EYA1: variants seen among roughly 807,000 people sequenced by gnomAD.
EYA1 encodes the protein protein phosphatase EYA1.
EYA1 carries 16 observed loss-of-function variants against 82.0 expected under a neutral mutation model. The ratio of observed to expected loss-of-function variants is 0.20; its 90% CI spans 0.13 to 0.30. The LOEUF is 0.30. Ranked by LOEUF, EYA1 falls within the 10% of genes least tolerant of loss-of-function variation. The pLI is 1.00. For missense variants in EYA1, 633 were observed against 730.7 expected (o/e 0.87, Z 1.54); for synonymous variants, 261 against 264.4 (o/e 0.99, Z 0.12).
chr8:71,500,387 T>C (rs1378557142), intron 2 of EYA1, among the ~76,000 whole-genome samples: 2 of 152,156 alleles, frequency 1.3e-5, no homozygotes, highest in Non-Finnish European at 2.9e-5. Flanking sequence ...GGAGACAACT[T>C]CTTGAGTCTT....
At chr8:71,442,812 C>T (rs1226544157) in intron 2 of EYA1, among the ~76,000 whole-genome samples, 1 of 152,198 alleles carries the variant, frequency 6.6e-6, no homozygotes, top group Non-Finnish European at 1.5e-5. Context: ...ACAGTGGGAA[C>T]ATGTGTCCCC....
intron 12 of EYA1, among the ~76,000 whole-genome samples, chr8:71,222,749 G>C (rs1810087971): frequency 6.6e-6 from 1 of 152,214 alleles, no homozygotes; most frequent in Non-Finnish European, 1.5e-5. Context: ...TAAATAATGT[G>C]AGATAAATGC....
intron 2 of EYA1, among the ~76,000 whole-genome samples, chr8:71,405,382 G>C (rs1273587229): frequency 6.6e-6 from 1 of 152,112 alleles, no homozygotes; most frequent in East Asian, 1.9e-4. Flanking sequence ...ACAGAATGTG[G>C]GTCAATCAGA....
At chr8:71,406,682 T>G (rs9693297) in intron 2 of EYA1, among the ~76,000 whole-genome samples, 38,356 of 151,580 alleles carry the variant, frequency 0.25, 4,991 homozygotes, top group Middle Eastern at 0.34. Context: ...AAAAAACCGC[T>G]CACCAGGAGA....
At chr8:71,397,316 C>G (rs868250496) in intron 2 of EYA1, among the ~76,000 whole-genome samples, 1 of 152,076 alleles carries the variant, frequency 6.6e-6, no homozygotes, top group Admixed American at 6.5e-5. Flanking sequence ...TATGTGTGAA[C>G]TTGATCCTGT....
chr8:71,204,152 T>C (rs1807433658), intron 17 of EYA1: 1 of 152,202 alleles, frequency 6.6e-6, no homozygotes, highest in South Asian at 2.1e-4. Flanking sequence ...GGCCTAAAAT[T>C]AGCACATGCT....
intron 2 of EYA1, among the ~76,000 whole-genome samples, chr8:71,393,941 C>G (rs1035238004): frequency 6.6e-6 from 1 of 152,184 alleles, no homozygotes; most frequent in Non-Finnish European, 1.5e-5. Flanking sequence ...TTCTCCACAT[C>G]CTCTCCAGCA....
chr8:71,410,484 C>T (rs1296756833), intron 2 of EYA1, among the ~76,000 whole-genome samples: 38 of 96,714 alleles, frequency 3.9e-4, no homozygotes, highest in Middle Eastern at 0.01. Context: ...AAAACCCCAT[C>T]GTCTCAGCCC....
intron 2 of EYA1, among the ~76,000 whole-genome samples, chr8:71,376,618 G>C (rs1828388635): frequency 6.6e-6 from 1 of 152,084 alleles, no homozygotes; most frequent in Non-Finnish European, 1.5e-5. Context: ...CAGATTTAGG[G>C]TATATTTGGA....
intron 7 of EYA1, among the ~76,000 whole-genome samples, chr8:71,302,305 T>C (rs1337586279): frequency 2.6e-5 from 4 of 152,130 alleles, no homozygotes; most frequent in Non-Finnish European, 5.9e-5. Flanking sequence ...AATGGATGTT[T>C]TCATTCTATA....
At chr8:71,508,003 T>C (rs1211055873) in intron 2 of EYA1, among the ~76,000 whole-genome samples, 1 of 152,212 alleles carries the variant, frequency 6.6e-6, no homozygotes, top group South Asian at 2.1e-4. Context: ...ACTTTGTCAG[T>C]TAATCTAATC....
chr8:71,453,599 G>T (rs1236055074), intron 2 of EYA1, among the ~76,000 whole-genome samples: 1 of 152,198 alleles, frequency 6.6e-6, no homozygotes, highest in Non-Finnish European at 1.5e-5. Context: ...AGCCAGAAGA[G>T]AATGGGGGCC....
chr8:71,212,944 G>T (rs1288552980), intron 16 of EYA1, among the ~76,000 whole-genome samples: 1 of 152,164 alleles, frequency 6.6e-6, no homozygotes, highest in Non-Finnish European at 1.5e-5. Flanking sequence ...GGGCATGGTG[G>T]TGTGTGCCTG....
At chr8:71,226,228 C>G (rs1810539094) in intron 12 of EYA1, among the ~76,000 whole-genome samples, 1 of 152,002 alleles carries the variant, frequency 6.6e-6, no homozygotes, top group Admixed American at 6.6e-5. Flanking sequence ...TTGATATTTT[C>G]TTATAATATT....
intron 4 of EYA1, among the ~76,000 whole-genome samples, chr8:71,331,137 G>C (rs940479239): frequency 6.6e-6 from 1 of 151,638 alleles, no homozygotes; most frequent in Admixed American, 6.6e-5. Context: ...GCTCAAGTAG[G>C]AGAATCACTT....
At chr8:71,334,240 G>T (rs915660180) in intron 3 of EYA1, 66 bp from the exon 4 acceptor site, 2 of 1,168,066 alleles carry the variant, frequency 1.7e-6, no homozygotes, top group Non-Finnish European at 2.6e-6. Flanking sequence ...TGGAAGAGAA[G>T]ATATAACATT....
At chr8:71,311,809 T>C (rs945471055) in intron 7 of EYA1, among the ~76,000 whole-genome samples, 5 of 152,280 alleles carry the variant, frequency 3.3e-5, no homozygotes, top group South Asian at 4.1e-4. Flanking sequence ...GTGAAAACAA[T>C]CAGATTTCCC....
chr8:71,199,444 G>A (rs1252187562), intron 17 of EYA1, 24 bp from the exon 18 acceptor site: 3 of 1,579,332 alleles, frequency 1.9e-6, no homozygotes, highest in Non-Finnish European at 2.6e-6. Context: ...ACACATACAT[G>A]TGAGGACAGA....
intron 2 of EYA1, among the ~76,000 whole-genome samples, chr8:71,417,720 C>T (rs915379055): frequency 2.6e-5 from 4 of 152,142 alleles, no homozygotes; most frequent in South Asian, 2.1e-4. Flanking sequence ...AAGAATGATC[C>T]GGCCAACATG....
Sources: allele counts gnomAD v4.1 joint callset (sites outside exome capture counted in the v4.1 genomes callset), GRCh38; gene constraint gnomAD v4.1.1; transcripts MANE v1.5; gene names NCBI Gene and HGNC (gene_info 2026-07-23, HGNC 2026-07-21).